The following LINGO2 variants were observed in gnomAD, a reference collection of about 807,000 sequenced individuals.
The protein encoded by LINGO2 is leucine rich repeat and Ig domain containing 2.
Under a neutral mutation model 30.6 loss-of-function variants are expected in LINGO2, and 14 were observed. That is an observed-to-expected ratio of 0.46 (90% CI 0.30 to 0.72). The LOEUF is 0.72. Ranked by LOEUF, LINGO2 falls within the 30% of genes least tolerant of loss-of-function variation. LINGO2 has a pLI of 0.07. For missense variants in LINGO2, 729 were observed against 751.7 expected, an observed-to-expected ratio of 0.97 and a Z score of 0.35; for synonymous variants, 317 against 288.5, an observed-to-expected ratio of 1.10 and a Z score of -1.00.
the LINGO2 span, among the ~76,000 whole-genome samples, chr9:28,807,069 G>A: frequency 2.0e-5 from 3 of 151,674 alleles, no homozygotes; most frequent in Non-Finnish European, 4.4e-5. Flanking sequence ...CTGCCACCCA[G>A]GCTGGAGTGC....
chr9:28,769,506 ATATATATATATATTTTTTTTTTTTTT>A, the LINGO2 span, among the ~76,000 whole-genome samples: 7 of 2,876 alleles, frequency 2.4e-3, no homozygotes, highest in East Asian at 0.017. Flanking sequence ...ATATATATAT[ATATATATATATATTTTTTTTTTTTTT>A]TTTTTTTTTT....
the LINGO2 span, among the ~76,000 whole-genome samples, chr9:29,083,350 G>A: frequency 9.2e-5 from 14 of 152,116 alleles, no homozygotes; most frequent in Middle Eastern, 3.4e-3. Context: ...ACCAAACACC[G>A]CATGTTCTCA....
the LINGO2 span, among the ~76,000 whole-genome samples, chr9:29,053,816 T>C: frequency 6.6e-6 from 1 of 152,172 alleles, no homozygotes; most frequent in East Asian, 1.9e-4. Context: ...TTCAAGAAAA[T>C]ATATTCTACC....
chr9:27,971,736 C>A (rs1043645506), intron 5 of LINGO2, among the ~76,000 whole-genome samples: 1 of 152,070 alleles, frequency 6.6e-6, no homozygotes, highest in Non-Finnish European at 1.5e-5. Flanking sequence ...AAATCATTAG[C>A]CCTTTAATCA....
chr9:28,421,025 G>A (rs10968582), intron 2 of LINGO2, among the ~76,000 whole-genome samples: 64,960 of 151,576 alleles, frequency 0.43, 14,373 homozygotes, highest in Middle Eastern at 0.5. Context: ...TTAATAATAA[G>A]CCATTTAATA....
chr9:29,059,728 A>G, the LINGO2 span, among the ~76,000 whole-genome samples: 1 of 152,112 alleles, frequency 6.6e-6, no homozygotes, highest in African/African-American at 2.4e-5. Flanking sequence ...TGACGTTATC[A>G]TAATTCTAAA....
At position 27,950,496 on chromosome 9, in the gene LINGO2, G is replaced by A. The variant is rs143274692; in HGVS notation, c.176C>T (p.Thr59Ile). 1.0e-4 allele frequency: 167 copies of A among 1,596,730 alleles called. 2 individuals are homozygous for A. Among genetic ancestry groups the A allele is most frequent in the Non-Finnish European group, 1.1e-5 (13 of 1,169,746 alleles). Residue 59 changes from threonine to isoleucine, a missense_variant, in exon 6 of 6, where the codon ACC becomes ATC. Coordinates refer to ENST00000379992, the Ensembl canonical transcript of LINGO2. ...GTTTTTACTGAGGTCCAAGATTTTGGTTTCGATGGGAATGCCCTCTGGGAT... is the reference window on the plus strand; with the variant it reads ...GTTTTTACTGAGGTCCAAGATTTTGATTTCGATGGGAATGCCCTCTGGGAT...
intron 1 of LINGO2, among the ~76,000 whole-genome samples, chr9:28,540,258 GTCTC>G (rs375822027): frequency 7.3e-6 from 1 of 136,952 alleles, no homozygotes; most frequent in African/African-American, 2.7e-5. Flanking sequence ...CTCTCTTTCT[GTCTC>G]TCTCTCTCTC....
intron 1 of LINGO2, among the ~76,000 whole-genome samples, chr9:28,624,740 G>T (rs867746823): frequency 2.5e-4 from 38 of 151,202 alleles, no homozygotes; most frequent in African/African-American, 9.0e-4. Context: ...GAAATAGTTT[G>T]AGTAGGATTG....
intron 4 of LINGO2, among the ~76,000 whole-genome samples, chr9:28,045,492 A>G (rs753911896): frequency 1.3e-5 from 2 of 152,194 alleles, no homozygotes; most frequent in Non-Finnish European, 2.9e-5. Context: ...ATACAGGGGA[A>G]AAGTAGAACT....
intron 4 of LINGO2, among the ~76,000 whole-genome samples, chr9:28,210,882 C>T (rs1323286565): frequency 6.6e-6 from 1 of 151,466 alleles, no homozygotes; most frequent in Non-Finnish European, 1.5e-5. Context: ...AAGAGAGGAA[C>T]ATTAGCTCCA....
At chr9:28,037,648 A>C (rs1323334718) in intron 4 of LINGO2, among the ~76,000 whole-genome samples, 1 of 152,168 alleles carries the variant, frequency 6.6e-6, no homozygotes, top group African/African-American at 2.4e-5. Context: ...TGTCTTGTTC[A>C]TCTTTGTGGC....
intron 4 of LINGO2, among the ~76,000 whole-genome samples, chr9:28,281,375 T>G (rs1823318379): frequency 6.6e-6 from 1 of 152,078 alleles, no homozygotes; most frequent in Non-Finnish European, 1.5e-5. Context: ...TCATTTTCTT[T>G]TAACCATTAA....
At chr9:29,188,967 C>T in the LINGO2 span, among the ~76,000 whole-genome samples, 1 of 149,088 alleles carries the variant, frequency 6.7e-6, no homozygotes, top group African/African-American at 2.5e-5. Flanking sequence ...GGGCTGACCC[C>T]CCCACCTCCC....
chr9:29,210,246 T>G, the LINGO2 span, among the ~76,000 whole-genome samples: 1 of 152,138 alleles, frequency 6.6e-6, no homozygotes, highest in Non-Finnish European at 1.5e-5. Flanking sequence ...TAAAACTGAC[T>G]CGAGATTACA....
chr9:29,106,078 A>G, the LINGO2 span, among the ~76,000 whole-genome samples: 5 of 152,328 alleles, frequency 3.3e-5, no homozygotes, highest in East Asian at 5.8e-4. Flanking sequence ...TTCTTTTAGC[A>G]TCTCATTTCT....
intron 5 of LINGO2, among the ~76,000 whole-genome samples, chr9:28,008,271 C>T (rs1378108509): frequency 6.6e-6 from 1 of 152,030 alleles, no homozygotes; most frequent in Non-Finnish European, 1.5e-5. Flanking sequence ...GTATTTATTC[C>T]TCTATATCAT....
chr9:29,089,108 T>G, the LINGO2 span, among the ~76,000 whole-genome samples: 4 of 151,992 alleles, frequency 2.6e-5, no homozygotes, highest in African/African-American at 9.7e-5. Context: ...TCAAAAGTAT[T>G]CATAAAGCAA....
chr9:28,826,072 T>G, the LINGO2 span, among the ~76,000 whole-genome samples: 1 of 152,144 alleles, frequency 6.6e-6, no homozygotes, highest in South Asian at 2.1e-4. Flanking sequence ...TTTGGGCAAG[T>G]CAAGATGATA....
Sources: allele counts gnomAD v4.1 joint callset (sites outside exome capture counted in the v4.1 genomes callset), GRCh38; gene constraint gnomAD v4.1.1; transcripts MANE v1.5; gene names NCBI Gene and HGNC (gene_info 2026-07-23, HGNC 2026-07-21).